Variants in CHD9 observed in about 807,000 individuals in gnomAD.
The protein encoded by CHD9 is chromodomain helicase DNA binding protein 9, also known as ATP-dependent chromatin remodeler CHD9.
In CHD9, 77 loss-of-function variants were observed where a neutral mutation model predicts 316.1. That is an observed-to-expected ratio of 0.24 (90% confidence interval 0.20 to 0.29). The LOEUF is 0.29. Among genes scored for constraint, CHD9 ranks in the 10% least tolerant of loss-of-function variants. The probability of loss-of-function intolerance (pLI) is 1.00; values close to 1 mark genes in which losing one functional copy is unlikely to be tolerated. For missense variants in CHD9, 2,763 were observed against 3,438.1 expected (o/e 0.80, Z 4.91); for synonymous variants, 1,129 against 1,158.3 (o/e 0.97, Z 0.51).
chr16:53,177,789 A>C (rs1194770158), intron 2 of CHD9, among the ~76,000 whole-genome samples: 1 of 152,220 alleles, frequency 6.6e-6, no homozygotes, highest in African/African-American at 2.4e-5. Flanking sequence ...TCCTTGATAA[A>C]TGGAAGCACT....
At chr16:53,134,476 T>C (rs1431007800) in intron 1 of CHD9, among the ~76,000 whole-genome samples, 2 of 151,930 alleles carry the variant, frequency 1.3e-5, no homozygotes, top group African/African-American at 2.4e-5. Flanking sequence ...CTCCCTTACT[T>C]TTCCACCTCT....
chr16:53,096,829 A>G (rs2036416908), intron 1 of CHD9, among the ~76,000 whole-genome samples: 1 of 152,114 alleles, frequency 6.6e-6, no homozygotes, highest in Non-Finnish European at 1.5e-5. Flanking sequence ...GACTCTCTGA[A>G]GAGTACTAAG....
chr16:53,296,927 G>A, intron 29 of CHD9, 29 bp from the exon 30 acceptor site: 1 of 1,531,582 alleles, frequency 6.5e-7, no homozygotes, highest in Non-Finnish European at 9.0e-7. Flanking sequence ...GACTAGTGTG[G>A]TTTTTTTCTT....
chr16:53,302,467 C>G (rs1280282561), intron 30 of CHD9, among the ~76,000 whole-genome samples: 1 of 152,186 alleles, frequency 6.6e-6, no homozygotes, highest in African/African-American at 2.4e-5. Context: ...TGTCTTATTA[C>G]TGATGATGTT....
intron 1 of CHD9, among the ~76,000 whole-genome samples, chr16:53,139,941 A>G (rs552223566): frequency 6.6e-6 from 1 of 150,644 alleles, no homozygotes; most frequent in Non-Finnish European, 1.5e-5. Context: ...CTACAAAAAA[A>G]TACAAAAATT....
At chr16:53,111,202 AG>A (rs35015586) in intron 1 of CHD9, among the ~76,000 whole-genome samples, 1 of 152,082 alleles carries the variant, frequency 6.6e-6, no homozygotes, top group Admixed American at 6.6e-5. Context: ...CTGCAGAATG[AG>A]GGGGCTGGAC....
At chr16:53,096,245 C>G (rs2036369645) in intron 1 of CHD9, among the ~76,000 whole-genome samples, 3 of 151,956 alleles carry the variant, frequency 2.0e-5, no homozygotes, top group Admixed American at 2.0e-4. Flanking sequence ...TTTAATGAAG[C>G]ACAGAATGCT....
At chr16:53,087,363 C>G (rs2035549072) in intron 1 of CHD9, among the ~76,000 whole-genome samples, 1 of 152,122 alleles carries the variant, frequency 6.6e-6, no homozygotes, top group Admixed American at 6.6e-5. Flanking sequence ...CAGGGCTCTC[C>G]TCTCCTGGCA....
At chr16:53,160,270 G>A (rs1290029343) in intron 2 of CHD9, among the ~76,000 whole-genome samples, 4 of 151,962 alleles carry the variant, frequency 2.6e-5, no homozygotes, top group African/African-American at 9.7e-5. Context: ...ATGTCTTTTT[G>A]TTGCTTTTGT....
chr16:53,135,967 A>G (rs2039682865), intron 1 of CHD9, among the ~76,000 whole-genome samples: 1 of 152,186 alleles, frequency 6.6e-6, no homozygotes, highest in African/African-American at 2.4e-5. Context: ...GCAGAATACA[A>G]AAGTTTTATA....
At chr16:53,320,208 A>AG (rs919470702) in intron 37 of CHD9, among the ~76,000 whole-genome samples, 1 of 150,886 alleles carries the variant, frequency 6.6e-6, no homozygotes, top group African/African-American at 2.4e-5. Flanking sequence ...TAAAAAAAAA[A>AG]AAAAAAAAGA....
At chr16:53,269,416 A>G (rs1027086241) in intron 22 of CHD9, among the ~76,000 whole-genome samples, 1 of 152,216 alleles carries the variant, frequency 6.6e-6, no homozygotes, top group Non-Finnish European at 1.5e-5. Flanking sequence ...CCCTGAGCTC[A>G]TGAACCTTAC....
intron 1 of CHD9, among the ~76,000 whole-genome samples, chr16:53,055,306 C>T (rs1340223942): frequency 6.6e-6 from 1 of 152,212 alleles, no homozygotes; most frequent in Non-Finnish European, 1.5e-5. Flanking sequence ...CAGCCCTCGC[C>T]TCCCAGAGCA....
chr16:53,153,093 C>T (rs1346698947), intron 1 of CHD9, among the ~76,000 whole-genome samples: 1 of 152,096 alleles, frequency 6.6e-6, no homozygotes, highest in African/African-American at 2.4e-5. Context: ...GAAAAACGAC[C>T]CTTGTATTTC....
intron 1 of CHD9, among the ~76,000 whole-genome samples, chr16:53,078,747 A>G (rs1447030727): frequency 6.6e-6 from 1 of 151,936 alleles, no homozygotes; most frequent in African/African-American, 2.4e-5. Flanking sequence ...CCCCACTTCC[A>G]TTCCCCTAAC....
intron 1 of CHD9, among the ~76,000 whole-genome samples, chr16:53,143,353 TCTTATTTTATTTATTTA>T (rs1457775897): frequency 4.2e-5 from 6 of 143,598 alleles, no homozygotes; most frequent in Non-Finnish European, 7.5e-5. Flanking sequence ...TTTTATTTTA[TCTTATTTTATTTATTTA>T]TTTATTTATT....
chr16:53,219,449 A>G (rs548906863), intron 3 of CHD9, among the ~76,000 whole-genome samples: 1 of 152,306 alleles, frequency 6.6e-6, no homozygotes, highest in African/African-American at 2.4e-5. Flanking sequence ...AAAGTTTAAC[A>G]GGCTAGCAGA....
Position 53,091,296 on chromosome 16 carries a change from C to T in CHD9, c.-165+36219C>T, listed in dbSNP as rs557906130. ...TCAGACAGAACTGAGTTCAAATCCC[C>T]GGGTGACCTTGGGCAAGCTGCTCTC... On this transcript the variant is annotated intron_variant, in intron 1 of 38. Transcript: ENST00000447540. Among the ~76,000 whole-genome samples the T allele has an allele frequency of 3.9e-5, 6 of 152,334 alleles. No homozygotes were observed. The South Asian group carries it at 1.2e-3, about 32-fold the overall frequency.
intron 17 of CHD9, among the ~76,000 whole-genome samples, chr16:53,250,901 A>T (rs1352522401): frequency 1.3e-5 from 2 of 152,196 alleles, no homozygotes; most frequent in Non-Finnish European, 2.9e-5. Flanking sequence ...ACAACCCATT[A>T]AATAACTACC....
Sources: allele counts gnomAD v4.1 joint callset (sites outside exome capture counted in the v4.1 genomes callset), GRCh38; gene constraint gnomAD v4.1.1; transcripts MANE v1.5; gene names NCBI Gene and HGNC (gene_info 2026-07-23, HGNC 2026-07-21).